Variants in C18orf32 observed in about 807,000 individuals in gnomAD.
The protein encoded by C18orf32 is chromosome 18 open reading frame 32.
C18orf32 carries 5 observed loss-of-function variants against 7.4 expected under a neutral mutation model. The observed-to-expected ratio is 0.68, with a 90% CI of 0.35 to 1.42. The LOEUF is 1.42. Among genes scored for constraint, C18orf32 ranks in the 40% most tolerant of loss-of-function variants. C18orf32 has a pLI of 0.04. For missense variants in C18orf32, 88 were observed against 92.4 expected, an observed-to-expected ratio of 0.95 and a Z score of 0.19; for synonymous variants, 30 against 29.3, an observed-to-expected ratio of 1.02 and a Z score of -0.08.
rs2083647644 is a variant in C18orf32 at position 49,479,981 on chromosome 18, T to C, written c.*2364A>G. On this transcript the variant is annotated 3_prime_UTR_variant, in exon 3 of 3. Transcript: ENST00000318240. Reference sequence around the variant, plus strand: ...TGGGAGGAGCAGAGGCAGTGTAAGATAGCGGCATCTCAACCATTATGGGAA... The same window carrying C: ...TGGGAGGAGCAGAGGCAGTGTAAGACAGCGGCATCTCAACCATTATGGGAA... 2 of 152,358 alleles carry C rather than the reference T, an allele frequency of 1.3e-5. No individual in the cohort carries two copies. The highest frequency in any genetic ancestry group is 4.8e-5 in the African/African-American group (2 of 41,450). 9.4% of individuals were successfully genotyped at this position (152,358 alleles called of 1,614,324 possible).
Position 49,483,722 on chromosome 18 carries a change from A to C in C18orf32, c.27T>G (p.Ile9Met), listed in dbSNP as rs143746104. Residue 9 changes from isoleucine (I) to methionine (M), a missense_variant, in exon 2 of 3, where the codon ATT (isoleucine) becomes ATG (methionine). Coordinates refer to ENST00000318240, the MANE Select transcript of C18orf32 (RefSeq NM_001035005.4). ...TTTTGTAGATCCAGAGCAGAACTGG[A>C]ATGACGATACAAGGAATGCACACCA... is the stretch of plus-strand genomic sequence containing the variant. The part of the protein sequence containing the change: MVCIPCIV[I>M]PVLLWIYKKF... 1.1e-4 allele frequency: 173 copies of C among 1,612,004 alleles called. No homozygotes were observed. Among genetic ancestry groups the C allele is most frequent in the Non-Finnish European group, 1.4e-4 (167 of 1,179,656 alleles).
chr18:49,477,795 C>CAAAA lies in C18orf32; in HGVS notation c.*4546_*4549dup, dbSNP rs140799310. 0.053 allele frequency: 5,102 copies of CAAAA among 96,880 alleles called. 203 individuals carry two copies. The highest frequency in any genetic ancestry group is 0.097 in the South Asian group (299 of 3,092). The allele number at this position is 96,880 out of a possible 1,614,324, so 6.0% of individuals were successfully genotyped here. A position where few individuals can be genotyped will look rare whatever the true frequency, so the allele number is the denominator to read the frequency against. ...CATCTTCCAAAAACAAACAAACAAA[C>CAAAA]AAAAATATATATATATACACACACT... On this transcript the variant is annotated 3_prime_UTR_variant, in exon 3 of 3. Coordinates refer to ENST00000318240, the MANE Select transcript of C18orf32 (RefSeq NM_001035005.4).
chr18:49,482,798 CTCTTT>C (rs1192927238), intron 2 of C18orf32, among the ~76,000 whole-genome samples: 2 of 114,876 alleles, frequency 1.7e-5, no homozygotes, highest in Non-Finnish European at 3.6e-5. Flanking sequence ...TTCTGTCTCT[CTCTTT>C]TTTTTTTTTT....
At chr18:49,484,150 ATATAT>A (rs2083704765) in intron 1 of C18orf32, among the ~76,000 whole-genome samples, 51 of 52,284 alleles carry the variant, frequency 9.8e-4, no homozygotes, top group African/African-American at 1.5e-3. Context: ...AAAAAAAAAT[ATATAT>A]ATATATATAT....
chr18:49,482,409 C>G lies in C18orf32; in HGVS notation c.167G>C (p.Gly56Ala), dbSNP rs767172197. The change falls in exon 3 of 3, where the codon GGT becomes GCT. Residue 56 changes from glycine (G) to alanine (A), a missense_variant and splice_region_variant. Gly to Ala is a moderately conservative substitution (Grantham distance 60). Transcript: ENST00000318240. ...TGTTGGTAATCCATTCATGTCTGCACCCTAAAATGAAAAAACATTTTAGAA... is the reference window on the plus strand; with the variant it reads ...TGTTGGTAATCCATTCATGTCTGCAGCCTAAAATGAAAAAACATTTTAGAA... ...DTNKGKVNFK[G>A]ADMNGLPTKG... 24 of 1,608,450 alleles carry G rather than the reference C, an allele frequency of 1.5e-5. No individual in the cohort carries two copies. The highest frequency in any genetic ancestry group is 2.0e-5 in the Non-Finnish European group (24 of 1,176,406).
At position 49,481,503 on chromosome 18, in the gene C18orf32, G is replaced by A. The variant is rs1437600863; in HGVS notation, c.*842C>T. ...ACTGCCCAGTCGAGTCACTGCTGCT[G>A]AAAACCACTAAATTTTGGAGTGTCT... On this transcript the variant is annotated 3_prime_UTR_variant, in exon 3 of 3. Transcript: ENST00000318240. The A allele has an allele frequency of 1.3e-5, 2 of 152,244 alleles. No individual in the cohort carries two copies. The highest frequency in any genetic ancestry group is 4.8e-5 in the African/African-American group (2 of 41,446). 9.4% of individuals were successfully genotyped at this position (152,244 alleles called of 1,614,324 possible).
At chr18:49,485,812 A>C (rs895762611) in intron 1 of C18orf32, 1 of 152,132 alleles carries the variant, frequency 6.6e-6, no homozygotes, top group Non-Finnish European at 1.5e-5. Context: ...AGTAGAGATG[A>C]GGTCTCACTG....
At position 49,479,558 on chromosome 18, in the gene C18orf32, C is replaced by T. The variant is rs1421343267; in HGVS notation, c.*2787G>A. The T allele has an allele frequency of 6.6e-6, 1 of 152,506 alleles. No homozygotes were observed. The highest frequency in any genetic ancestry group is 1.5e-5 in the Non-Finnish European group (1 of 68,282). 9.4% of individuals were successfully genotyped at this position (152,506 alleles called of 1,614,324 possible). Reference sequence around the variant, plus strand: ...AGCCCAGAGCCAGTAACAGAAATACCACCACCCCTGGGCCCAAAAGGGCAG... The same window carrying T: ...AGCCCAGAGCCAGTAACAGAAATACTACCACCCCTGGGCCCAAAAGGGCAG... On this transcript the variant is annotated 3_prime_UTR_variant, in exon 3 of 3. Coordinates refer to ENST00000318240, the MANE Select transcript of C18orf32 (RefSeq NM_001035005.4).
rs1276933952 is a variant in C18orf32, at chr18:49,482,078, C to A, written c.*267G>T. The A allele has an allele frequency of 2.7e-6, 1 of 365,752 alleles. No homozygotes were observed. The highest frequency in any genetic ancestry group is 4.9e-6 in the Non-Finnish European group (1 of 202,594). The allele number at this position is 365,752 out of a possible 1,614,324, so 22.7% of individuals were successfully genotyped here. ...GTAACATAATGTCTACTGGCACAAACCTTCTATTTAATCATATTATTCAAA... is the reference window on the plus strand; with the variant it reads ...GTAACATAATGTCTACTGGCACAAAACTTCTATTTAATCATATTATTCAAA... On this transcript the variant is annotated 3_prime_UTR_variant, in exon 3 of 3. Coordinates refer to ENST00000318240, the MANE Select transcript of C18orf32 (RefSeq NM_001035005.4).
Position 49,480,004 on chromosome 18 carries a change from G to A in C18orf32, c.*2341C>T, listed in dbSNP as rs1468115803. ...GATAGCGGCATCTCAACCATTATGGGAAACAATGTCTGAAGTTGATGGCTC... is the reference window on the plus strand; with the variant it reads ...GATAGCGGCATCTCAACCATTATGGAAAACAATGTCTGAAGTTGATGGCTC... On this transcript the variant is annotated 3_prime_UTR_variant, in exon 3 of 3. Coordinates refer to ENST00000318240, the MANE Select transcript of C18orf32 (RefSeq NM_001035005.4). The A allele has an allele frequency of 6.6e-6, 1 of 152,288 alleles. No individual in the cohort carries two copies. The highest frequency in any genetic ancestry group is 6.5e-5 in the Admixed American group (1 of 15,278). 9.4% of individuals were successfully genotyped at this position (152,288 alleles called of 1,614,324 possible).
Position 49,483,570 on chromosome 18 carries a change from G to A in C18orf32, c.165+14C>T. ...CTTTCACTGCTCTTATTCAAGGCAT[G>A]TGAATGTTCTTACCTTAAAGTTTAC... On this transcript the variant is annotated intron_variant, in intron 2 of 2. Coordinates refer to ENST00000318240, the MANE Select transcript of C18orf32 (RefSeq NM_001035005.4). 2.5e-6 allele frequency: 4 copies of A among 1,584,598 alleles called. No individual in the cohort carries two copies. The highest frequency in any genetic ancestry group is 3.4e-6 in the Non-Finnish European group (4 of 1,168,482).
chr18:49,486,872 TAG>T (rs2083759450), intron 1 of C18orf32, among the ~76,000 whole-genome samples, 169 bp downstream of exon 1: 1 of 151,510 alleles, frequency 6.6e-6, no homozygotes, highest in African/African-American at 2.4e-5. Flanking sequence ...GTGAAGGTCA[TAG>T]AAAGGATGTG....
rs912593184 is a variant in C18orf32, at chr18:49,487,198, C to G, written c.-179G>C. The G allele has an allele frequency of 5.9e-5, 9 of 152,874 alleles. No homozygotes were observed. Among genetic ancestry groups the G allele is most frequent in the Middle Eastern group, 6.7e-3 (2 of 298 alleles). The allele number at this position is 152,874 out of a possible 1,614,324, so 9.5% of individuals were successfully genotyped here. ...GCCCAACCCAGGCCGCTAGCCCGGGCACACTCACCCGCGACCGCGGAAACG... is the reference window on the plus strand; with the variant it reads ...GCCCAACCCAGGCCGCTAGCCCGGGGACACTCACCCGCGACCGCGGAAACG... On this transcript the variant is annotated 5_prime_UTR_variant, in exon 1 of 3. Transcript: ENST00000318240.
At chr18:49,482,864 T>C (rs2083681390) in intron 2 of C18orf32, among the ~76,000 whole-genome samples, 1 of 150,030 alleles carries the variant, frequency 6.7e-6, no homozygotes, top group African/African-American at 2.5e-5. Flanking sequence ...AATGATGTGA[T>C]CTCGGCTCAC....
chr18:49,482,286 A>G lies in C18orf32; in HGVS notation c.*59T>C, dbSNP rs1286218374. 2.5e-6 allele frequency: 3 copies of G among 1,180,462 alleles called. No homozygotes were observed. In the African/African-American group the frequency reaches 4.5e-5, roughly 18 times the overall value. 73.1% of individuals were successfully genotyped at this position (1,180,462 alleles called of 1,614,324 possible). A position where few individuals can be genotyped will look rare whatever the true frequency, so the allele number is the denominator to read the frequency against. ...AAAAGGTCAGAGACAATTACAAGGAAGATGCTTCATATTATCAGGTCCATT... is the reference window on the plus strand; with the variant it reads ...AAAAGGTCAGAGACAATTACAAGGAGGATGCTTCATATTATCAGGTCCATT... On this transcript the variant is annotated 3_prime_UTR_variant, in exon 3 of 3. Transcript: ENST00000318240.
intron 1 of C18orf32, among the ~76,000 whole-genome samples, chr18:49,484,314 C>T (rs1472691592): frequency 6.6e-6 from 1 of 151,102 alleles, no homozygotes; most frequent in Non-Finnish European, 1.5e-5. Flanking sequence ...AGAAATAGGC[C>T]AGGTGCAGTG....
chr18:49,482,322 TG>T lies in C18orf32; in HGVS notation c.*22del. The T allele has an allele frequency of 6.4e-7, 1 of 1,567,384 alleles. No individual in the cohort carries two copies. The highest frequency in any genetic ancestry group is 8.8e-7 in the Non-Finnish European group (1 of 1,138,652). On this transcript the variant is annotated 3_prime_UTR_variant, in exon 3 of 3. Coordinates refer to ENST00000318240, the MANE Select transcript of C18orf32 (RefSeq NM_001035005.4). Reference sequence around the variant, plus strand: ...ATTATCAGGTCCATTTTTTAAATGATGGGGTCCTTTAGGAAAATTTCTTTAG... The same window carrying T: ...ATTATCAGGTCCATTTTTTAAATGATGGGTCCTTTAGGAAAATTTCTTTAG...
intron 2 of C18orf32, among the ~76,000 whole-genome samples, chr18:49,482,953 C>A (rs150983686): frequency 6.6e-6 from 1 of 151,776 alleles, no homozygotes; most frequent in Non-Finnish European, 1.5e-5. Context: ...TGCCCACCAC[C>A]GCGCCTCACT....
rs1314770750 is a variant in C18orf32, at chr18:49,481,111, A to G, written c.*1234T>C. ...TATAATAGTATTTATACCTTAAAAA[A>G]GTTTATTTGCTAATGAGAATTTATC... On this transcript the variant is annotated 3_prime_UTR_variant, in exon 3 of 3. Transcript: ENST00000318240. 1 of 152,208 alleles carries G rather than the reference A, an allele frequency of 6.6e-6. No individual in the cohort carries two copies. The highest frequency in any genetic ancestry group is 1.5e-5 in the Non-Finnish European group (1 of 68,028). 9.4% of individuals were successfully genotyped at this position (152,208 alleles called of 1,614,324 possible). A position where few individuals can be genotyped will look rare whatever the true frequency, so the allele number is the denominator to read the frequency against.
Sources: gnomAD v4.1 joint callset for allele counts (sites outside exome capture counted in the v4.1 genomes callset) on GRCh38, gnomAD v4.1.1 for gene constraint, MANE v1.5 for transcripts, NCBI Gene and HGNC (gene_info 2026-07-23, HGNC 2026-07-21) for gene names.